The following PTPRG variants were observed in gnomAD, a reference collection of about 807,000 sequenced individuals.
PTPRG encodes the protein receptor-type tyrosine-protein phosphatase gamma.
A neutral mutation model predicts 165.3 loss-of-function variants in PTPRG; 102 were observed. The observed-to-expected ratio is 0.62, with a 90% confidence interval of 0.53 to 0.73. The LOEUF (loss-of-function observed/expected upper bound fraction) is 0.73, where lower values mean the gene tolerates loss of function less well. Among genes scored for constraint, PTPRG ranks in the 30% least tolerant of loss-of-function variants. The pLI is 0.00. For synonymous variants in PTPRG, 675 were observed against 669.5 expected (o/e 1.01, Z -0.13); for missense variants, 1,866 against 1,861.4 (o/e 1.00, Z -0.05).
chr3:62,139,760 C>T (rs1703851936), intron 6 of PTPRG, among the ~76,000 whole-genome samples: 1 of 152,236 alleles, frequency 6.6e-6, no homozygotes, highest in Admixed American at 6.5e-5. Flanking sequence ...ACTTGGCTCA[C>T]ATTTGGGGTC....
chr3:61,830,560 GTTTTT>G lies in PTPRG; in HGVS notation c.190+81579_190+81583del, dbSNP rs1315909815. Among the ~76,000 whole-genome samples the G allele has an allele frequency of 4.4e-5, 4 of 90,106 alleles. No individual in the cohort carries two copies. In the East Asian group the frequency reaches 1.0e-3, roughly 24 times the overall value. The allele number at this position is 90,106 out of a possible 152,430, so 59.1% of individuals were successfully genotyped here. A position where few individuals can be genotyped will look rare whatever the true frequency, so the allele number is the denominator to read the frequency against. On this transcript the variant is annotated intron_variant, in intron 2 of 29. Transcript: ENST00000474889. Reference sequence around the variant, plus strand: ...CTTAAAACTGGTGATGGTTCTTTTTGTTTTTGTTTTTTTTTTTTTTTTTTTTTTTT... The same window carrying G: ...CTTAAAACTGGTGATGGTTCTTTTTGGTTTTTTTTTTTTTTTTTTTTTTTT...
At chr3:61,979,531 A>T (rs1465143318) in intron 2 of PTPRG, among the ~76,000 whole-genome samples, 1 of 152,108 alleles carries the variant, frequency 6.6e-6, no homozygotes, top group Admixed American at 6.6e-5. Flanking sequence ...TTAGGTCAGA[A>T]GGCCTCTCTG....
chr3:62,168,125 A>G lies in PTPRG; in HGVS notation c.995A>G (p.Asp332Gly). 1.9e-6 allele frequency: 3 copies of G among 1,614,038 alleles called. No homozygotes were observed. The highest frequency in any genetic ancestry group is 2.5e-6 in the Non-Finnish European group (3 of 1,179,956). ...GACTCCTGGAACCACGACATGACAG[A>G]CTTCTTAGAAAACCCACTGGGGACA... ...VRDSWNHDMTDFLENPLGTEA... is the reference protein window; with the variant it reads ...VRDSWNHDMTGFLENPLGTEA... The change falls in exon 8 of 30, where the codon GAC becomes GGC. Residue 332 changes from aspartate to glycine, a missense_variant. Physicochemically the swap from Asp to Gly is moderately conservative, Grantham distance 94. Coordinates refer to ENST00000474889, the MANE Select transcript of PTPRG (RefSeq NM_002841.4).
intron 1 of PTPRG, among the ~76,000 whole-genome samples, chr3:61,710,879 A>G (rs2031516401): frequency 6.6e-6 from 1 of 152,066 alleles, no homozygotes. Flanking sequence ...CCATCAACCC[A>G]TCATCTACAT....
At chr3:61,673,491 A>G (rs891990539) in intron 1 of PTPRG, among the ~76,000 whole-genome samples, 1 of 152,194 alleles carries the variant, frequency 6.6e-6, no homozygotes, top group African/African-American at 2.4e-5. Flanking sequence ...TGCTATTATT[A>G]TTGAGAGCCA....
Position 61,649,160 on chromosome 3 carries a change from C to T in PTPRG, c.85+86788C>T, listed in dbSNP as rs1016474111. ...TTTCCCTTTTCACTTCCCTCCCTCC[C>T]TTCTTTCCCTCCCTCCTTCCTTCCT... On this transcript the variant is annotated intron_variant, in intron 1 of 29. Transcript: ENST00000474889. 2.6e-5 allele frequency among the ~76,000 whole-genome samples: 4 copies of T among 151,476 alleles called. No individual in the cohort carries two copies. The South Asian group carries it at 8.4e-4, about 32-fold the overall frequency.
intron 20 of PTPRG, among the ~76,000 whole-genome samples, 168 bp downstream of exon 20, chr3:62,269,337 A>G (rs1701986040): frequency 6.6e-6 from 1 of 152,166 alleles, no homozygotes; most frequent in South Asian, 2.1e-4. Flanking sequence ...TGTGAAAGGT[A>G]TTGGCAAAGC....
Position 62,153,534 on chromosome 3 carries a change from T to C in PTPRG, c.683-3533T>C, listed in dbSNP as rs59791309. On this transcript the variant is annotated intron_variant, in intron 6 of 29. Coordinates refer to ENST00000474889, the MANE Select transcript of PTPRG (RefSeq NM_002841.4). ...CAATATATCTAACATGGTATGCCTT[T>C]AAGGGCACAAGGAGTAATCCAGTTA... Among the ~76,000 whole-genome samples, 363 of 152,080 alleles carry C rather than the reference T, an allele frequency of 2.4e-3. 2 individuals carry two copies. Among genetic ancestry groups the C allele is most frequent in the African/African-American group, 8.2e-3 (341 of 41,458 alleles).
chr3:61,735,905 A>T (rs2032701508), intron 1 of PTPRG, among the ~76,000 whole-genome samples: 1 of 120,914 alleles, frequency 8.3e-6, no homozygotes, highest in Non-Finnish European at 1.7e-5. Context: ...ATGTTAAAAC[A>T]ATGATTTTTT....
chr3:61,694,097 C>T (rs2030406618), intron 1 of PTPRG, among the ~76,000 whole-genome samples: 1 of 151,342 alleles, frequency 6.6e-6, no homozygotes, highest in East Asian at 1.9e-4. Context: ...AGGGGATGAA[C>T]CAGCTGGGCT....
chr3:61,822,906 G>T (rs1267459468), intron 2 of PTPRG, among the ~76,000 whole-genome samples: 2 of 152,116 alleles, frequency 1.3e-5, no homozygotes, highest in African/African-American at 4.8e-5. Flanking sequence ...AGACTGATTC[G>T]TTACATGGCC....
chr3:61,676,532 A>G (rs1703237167), intron 1 of PTPRG, among the ~76,000 whole-genome samples: 1 of 150,876 alleles, frequency 6.6e-6, no homozygotes, highest in Admixed American at 6.6e-5. Flanking sequence ...CTGTAATTCC[A>G]GTGAATATTT....
At chr3:62,122,664 A>G (rs888225708) in intron 5 of PTPRG, among the ~76,000 whole-genome samples, 4 of 152,190 alleles carry the variant, frequency 2.6e-5, no homozygotes, top group African/African-American at 7.2e-5. Flanking sequence ...TGAAAATTCT[A>G]TATCCCAGAA....
intron 5 of PTPRG, among the ~76,000 whole-genome samples, chr3:62,086,852 T>C (rs1386122230): frequency 1.3e-5 from 2 of 149,328 alleles, no homozygotes; most frequent in African/African-American, 2.5e-5. Flanking sequence ...ATTTATAGCC[T>C]ATCAGGTGTT....
At chr3:61,995,080 C>CTTTTTTTTTTTTTTTTT (rs1233679653) in intron 3 of PTPRG, among the ~76,000 whole-genome samples, 3 of 107,398 alleles carry the variant, frequency 2.8e-5, no homozygotes, top group East Asian at 2.7e-4. Context: ...TCTTTTCTTT[C>CTTTTTTTTTTTTTTTTT]TTTCTTTTTT....
rs569085027 is a variant in PTPRG at position 62,273,274 on chromosome 3, T to G, written c.3318+193T>G. ...CCATTTCTGTATGGATCTTAACATT[T>G]GGATTCCTAAATAACTACACAAGTA... On this transcript the variant is annotated intron_variant, in intron 22 of 29. Coordinates refer to ENST00000474889, the MANE Select transcript of PTPRG (RefSeq NM_002841.4). The surrounding 1 kb of genome is among the most constrained non-coding windows in gnomAD (Gnocchi z 4.1). Among the ~76,000 whole-genome samples, 1 of 152,336 alleles carries G rather than the reference T, an allele frequency of 6.6e-6. No individual in the cohort carries two copies. The highest frequency in any genetic ancestry group is 2.1e-4 in the South Asian group (1 of 4,830).
At chr3:62,251,268 C>G (rs1271506504) in intron 15 of PTPRG, among the ~76,000 whole-genome samples, 1 of 151,154 alleles carries the variant, frequency 6.6e-6, no homozygotes, top group African/African-American at 2.4e-5. Flanking sequence ...GCCTGTAGTC[C>G]CAGCTACGCA....
chr3:61,825,207 A>G, intron 2 of PTPRG, among the ~76,000 whole-genome samples: 1 of 152,242 alleles, frequency 6.6e-6, no homozygotes. Context: ...AATTCTGCAC[A>G]TTCATGTGTC....
intron 2 of PTPRG, among the ~76,000 whole-genome samples, chr3:61,861,882 A>G (rs2037280756): frequency 6.6e-6 from 1 of 152,082 alleles, no homozygotes; most frequent in South Asian, 2.1e-4. Flanking sequence ...TGTTTTAGAG[A>G]TGCATTATGA....
Sources: allele counts gnomAD v4.1 joint callset (sites outside exome capture counted in the v4.1 genomes callset), GRCh38; gene constraint gnomAD v4.1.1; non-coding constraint Gnocchi (gnomAD v3.1); transcripts MANE v1.5; gene names NCBI Gene and HGNC (gene_info 2026-07-23, HGNC 2026-07-21).